Variants in NMT2 observed in about 807,000 individuals in gnomAD.
The protein encoded by NMT2 is N-myristoyltransferase 2, also known as glycylpeptide N-tetradecanoyltransferase 2.
In NMT2, 35 loss-of-function variants were observed where a neutral mutation model predicts 65.4. That is an observed-to-expected ratio of 0.54 (90% CI 0.41 to 0.71). The LOEUF is 0.71. Ranked by LOEUF, NMT2 falls within the 30% of genes least tolerant of loss-of-function variation. The probability of loss-of-function intolerance (pLI) is 0.00; values close to 1 mark genes in which losing one functional copy is unlikely to be tolerated. For missense variants in NMT2, 489 were observed against 611.3 expected, an observed-to-expected ratio of 0.80 and a Z score of 2.11; for synonymous variants, 226 against 231.8, an observed-to-expected ratio of 0.98 and a Z score of 0.23.
At position 15,107,452 on chromosome 10, in the gene NMT2, G is replaced by T; in HGVS notation, c.*1743C>A. ...ACTGGCCCAGTAAAAGCAGGGAAAA[G>T]TATCTACTTTTGTTTTTTGAGACGG... is the stretch of plus-strand genomic sequence containing the variant. On this transcript the variant is annotated 3_prime_UTR_variant, in exon 12 of 12. Transcript: ENST00000378165. The T allele has an allele frequency of 2.0e-6, 2 of 985,378 alleles. No individual in the cohort carries two copies. The highest frequency in any genetic ancestry group is 2.4e-6 in the Non-Finnish European group (2 of 829,890). 61.0% of individuals were successfully genotyped at this position (985,378 alleles called of 1,614,324 possible).
intron 1 of NMT2, among the ~76,000 whole-genome samples, chr10:15,168,114 C>T (rs1466917416): frequency 6.6e-6 from 1 of 152,176 alleles, no homozygotes; most frequent in Non-Finnish European, 1.5e-5. Context: ...CCTCCTACCC[C>T]AGGCTGCGGC....
intron 3 of NMT2, 32 bp downstream of exon 3, chr10:15,135,241 TG>T: frequency 1.2e-6 from 2 of 1,609,106 alleles, no homozygotes; most frequent in South Asian, 1.1e-5. Context: ...GCTTTGTTTG[TG>T]GGGAAAAAAA....
intron 1 of NMT2, among the ~76,000 whole-genome samples, chr10:15,154,376 C>T (rs931648802): frequency 5.3e-5 from 8 of 152,162 alleles, no homozygotes; most frequent in African/African-American, 1.7e-4. Flanking sequence ...GACTCAGGTG[C>T]AGGCTGTGTG....
At chr10:15,123,522 C>T (rs1184112269) in intron 8 of NMT2, among the ~76,000 whole-genome samples, 1 of 121,004 alleles carries the variant, frequency 8.3e-6, no homozygotes. Context: ...AGCGAGACTT[C>T]GTCTCACAGA....
At chr10:15,137,671 T>C (rs988841320) in intron 2 of NMT2, among the ~76,000 whole-genome samples, 2 of 152,228 alleles carry the variant, frequency 1.3e-5, no homozygotes, top group Non-Finnish European at 2.9e-5. Flanking sequence ...CTTATAAAAA[T>C]AGAACTACAA....
At chr10:15,118,227 A>G (rs1421926048) in intron 9 of NMT2, among the ~76,000 whole-genome samples, 1 of 152,222 alleles carries the variant, frequency 6.6e-6, no homozygotes, top group East Asian at 1.9e-4. Context: ...ACAAAGTGTT[A>G]GTATTCAGCA....
chr10:15,131,801 A>G (rs1442486989), intron 6 of NMT2, among the ~76,000 whole-genome samples: 1 of 152,210 alleles, frequency 6.6e-6, no homozygotes, highest in African/African-American at 2.4e-5. Context: ...TCCGGGCTGG[A>G]GATCCAAACT....
chr10:15,121,317 AATGAGGTCATC>A (rs1399512446), intron 8 of NMT2, among the ~76,000 whole-genome samples: 1 of 152,184 alleles, frequency 6.6e-6, no homozygotes, highest in Non-Finnish European at 1.5e-5. Context: ...CTTCCTGTAG[AATGAGGTCATC>A]ACAATTCCTG....
At position 15,109,198 on chromosome 10, in the gene NMT2, T is replaced by C. The variant is rs761880346; in HGVS notation, c.1494A>G (p.Gln498=). The C allele has an allele frequency of 6.9e-6, 11 of 1,604,240 alleles. No homozygotes were observed. Among genetic ancestry groups the C allele is most frequent in the Non-Finnish European group, 9.3e-6 (11 of 1,176,728 alleles). The change falls in exon 12 of 12, where the codon CAA becomes CAG. Residue 498 remains glutamine (Q), a synonymous_variant. Coordinates refer to ENST00000378165, the MANE Select transcript of NMT2 (RefSeq NM_004808.3). Reference sequence around the variant, plus strand: ...TTCTAGAAATAAAAATATCCATCTATTGTAGTACTAGTCCAACCTGAAGGG... The same window carrying C: ...TTCTAGAAATAAAAATATCCATCTACTGTAGTACTAGTCCAACCTGAAGGG... ...TDSEKVGLVL[Q]
At chr10:15,114,527 A>G (rs1845682165) in intron 9 of NMT2, among the ~76,000 whole-genome samples, 1 of 152,222 alleles carries the variant, frequency 6.6e-6, no homozygotes, top group African/African-American at 2.4e-5. Context: ...GCTTATAAGC[A>G]ACTTCTAACA....
chr10:15,133,265 C>T lies in NMT2; in HGVS notation c.490G>A (p.Asp164Asn), dbSNP rs1846349420. ...CTCACCACTTCGGCATCACTCAAGT[C>T]TAAAGTGTCCCACATAAAACCCTGT... ...LPQGFMWDTLDLSDAEVLKEL... is the reference protein window; with the variant it reads ...LPQGFMWDTLNLSDAEVLKEL... Residue 164 changes from aspartate (D) to asparagine (N), a missense_variant, in exon 4 of 12, where the codon GAC becomes AAC. Physicochemically the swap from Asp to Asn is conservative, Grantham distance 23 (BLOSUM62 1). Transcript: ENST00000378165. The T allele has an allele frequency of 6.2e-7, 1 of 1,613,956 alleles. No individual in the cohort carries two copies. Among genetic ancestry groups the T allele is most frequent in the African/African-American group, 1.3e-5 (1 of 74,926 alleles).
rs1433346023 is a variant in NMT2, at chr10:15,120,321, G to A, written c.1000-808C>T. Among the ~76,000 whole-genome samples, 3 of 152,118 alleles carry A rather than the reference G, an allele frequency of 2.0e-5. No individual in the cohort carries two copies. The East Asian group carries it at 5.8e-4, about 29-fold the overall frequency. On this transcript the variant is annotated intron_variant, in intron 8 of 11. Transcript: ENST00000378165. ...AAAAATGTAAAACTTAGCCAGGCGTGGTGACATGCACCTGTAATCCCAGCT... is the reference window on the plus strand; with the variant it reads ...AAAAATGTAAAACTTAGCCAGGCGTAGTGACATGCACCTGTAATCCCAGCT...
chr10:15,146,720 T>C (rs1846977323), intron 1 of NMT2, among the ~76,000 whole-genome samples: 1 of 152,094 alleles, frequency 6.6e-6, no homozygotes, highest in South Asian at 2.1e-4. Flanking sequence ...GAAGGGAACT[T>C]CCACTGTGTT....
chr10:15,131,450 G>A (rs544851968), intron 6 of NMT2, among the ~76,000 whole-genome samples: 33 of 151,846 alleles, frequency 2.2e-4, no homozygotes, highest in Admixed American at 5.9e-4. Context: ...CGACCTGCCC[G>A]TCTTTAAGTT....
intron 9 of NMT2, 81 bp downstream of exon 9, chr10:15,119,262 G>T (rs1021286901): frequency 2.4e-5 from 28 of 1,170,564 alleles, no homozygotes; most frequent in Non-Finnish European, 3.0e-5. Context: ...ATAGAAGGAA[G>T]TGTGTGTAAA....
At chr10:15,120,623 G>A (rs1056549728) in intron 8 of NMT2, among the ~76,000 whole-genome samples, 1 of 152,146 alleles carries the variant, frequency 6.6e-6, no homozygotes, top group Non-Finnish European at 1.5e-5. Flanking sequence ...AAACTGCCAA[G>A]TCTGACATTT....
At chr10:15,151,057 T>C (rs1292251479) in intron 1 of NMT2, among the ~76,000 whole-genome samples, 3 of 150,056 alleles carry the variant, frequency 2.0e-5, no homozygotes, top group Admixed American at 1.3e-4. Flanking sequence ...ATTAGCTTCC[T>C]CCTTTTTTTT....
chr10:15,137,680 A>G (rs2131563332), intron 2 of NMT2, among the ~76,000 whole-genome samples: 1 of 152,302 alleles, frequency 6.6e-6, no homozygotes, highest in South Asian at 2.1e-4. Context: ...ATAGAACTAC[A>G]ATGACTATAA....
intron 2 of NMT2, among the ~76,000 whole-genome samples, chr10:15,137,384 G>A (rs912611017): frequency 6.6e-6 from 1 of 152,010 alleles, no homozygotes; most frequent in Non-Finnish European, 1.5e-5. Context: ...AATCATAAAG[G>A]TCCTATCTTA....
Sources: allele counts gnomAD v4.1 joint callset (sites outside exome capture counted in the v4.1 genomes callset), GRCh38; gene constraint gnomAD v4.1.1; transcripts MANE v1.5; gene names NCBI Gene and HGNC (gene_info 2026-07-23, HGNC 2026-07-21).